The following RALGAPA2 variants were observed in gnomAD, a reference collection of about 807,000 sequenced individuals.
RALGAPA2 encodes ral GTPase-activating protein subunit alpha-2.
RALGAPA2 carries 139 observed loss-of-function variants against 230.4 expected under a neutral mutation model. The ratio of observed to expected loss-of-function variants is 0.60; its 90% CI spans 0.53 to 0.69. The LOEUF (loss-of-function observed/expected upper bound fraction) is 0.69. Among genes scored for constraint, RALGAPA2 ranks in the 30% least tolerant of loss-of-function variants. RALGAPA2 has a pLI of 0.00. For missense variants in RALGAPA2, 2,163 were observed against 2,276.0 expected (o/e 0.95, Z 1.01); for synonymous variants, 847 against 837.8 (o/e 1.01, Z -0.19).
At chr20:20,463,129 C>A (rs1335208338) in intron 37 of RALGAPA2, among the ~76,000 whole-genome samples, 4 of 138,196 alleles carry the variant, frequency 2.9e-5, no homozygotes, top group African/African-American at 1.1e-4. Flanking sequence ...AAAACCCTGA[C>A]TTTTTTTTTT....
intron 1 of RALGAPA2, among the ~76,000 whole-genome samples, chr20:20,696,115 C>G (rs948227493): frequency 3.9e-5 from 6 of 152,168 alleles, no homozygotes; most frequent in African/African-American, 1.4e-4. Context: ...CCAATGTACT[C>G]CAGCTTTCCT....
rs1191999765 is a variant in RALGAPA2 at position 20,635,527 on chromosome 20, G to A, written c.896C>T (p.Ala299Val). 1 of 1,595,004 alleles carries A rather than the reference G, an allele frequency of 6.3e-7. No individual in the cohort carries two copies. The highest frequency in any genetic ancestry group is 8.5e-7 in the Non-Finnish European group (1 of 1,171,792). ...AATCCACTTAATAAAAACAACACGA[G>A]CTGCCATATATGGAATCTTTGTACT... ...IYSTKIPYMA[A>V]RVVFIKWIVT... The change falls in exon 9 of 40, where the codon GCT (alanine) becomes GTT (valine). Residue 299 changes from alanine to valine, a missense_variant. Transcript: ENST00000202677.
At chr20:20,638,560 C>T (rs1249361902) in intron 7 of RALGAPA2, among the ~76,000 whole-genome samples, 9 of 152,150 alleles carry the variant, frequency 5.9e-5, no homozygotes, top group South Asian at 2.1e-4. Context: ...CAATTCCATC[C>T]GCCTTATCTG....
At chr20:20,476,626 A>C (rs1188748870) in intron 36 of RALGAPA2, among the ~76,000 whole-genome samples, 2 of 151,408 alleles carry the variant, frequency 1.3e-5, no homozygotes, top group Admixed American at 6.6e-5. Context: ...AATTGCCACG[A>C]CCTTAGGATA....
rs776165823 is a variant in RALGAPA2 at position 20,611,378 on chromosome 20, C to T, written c.1737G>A (p.Gln579=). 4 of 1,613,672 alleles carry T rather than the reference C, an allele frequency of 2.5e-6. No individual in the cohort carries two copies. Among genetic ancestry groups the T allele is most frequent in the Non-Finnish European group, 3.4e-6 (4 of 1,179,704 alleles). ...CCTTTATTTGTTTATCCTTTGGCTT[C>T]TGCATGACAGCTTCTGTTATCCTGA... ...ILLRITEAVM[Q]KPKDKQIKDL... The change falls in exon 14 of 40, where the codon CAG becomes CAA. Residue 579 remains glutamine (Q), a synonymous_variant. Transcript: ENST00000202677.
At chr20:20,422,243 C>A (rs2060292131) in intron 37 of RALGAPA2, among the ~76,000 whole-genome samples, 1 of 152,138 alleles carries the variant, frequency 6.6e-6, no homozygotes, top group Non-Finnish European at 1.5e-5. Context: ...ATACAAAAAA[C>A]CATTGTATTA....
chr20:20,479,334 A>T (rs888585252), intron 36 of RALGAPA2, among the ~76,000 whole-genome samples: 2 of 152,212 alleles, frequency 1.3e-5, no homozygotes, highest in African/African-American at 4.8e-5. Context: ...GGCTAGTACA[A>T]TCTTAATACC....
chr20:20,576,610 C>T (rs963158621), intron 20 of RALGAPA2, among the ~76,000 whole-genome samples: 8 of 151,986 alleles, frequency 5.3e-5, no homozygotes, highest in African/African-American at 1.7e-4. Context: ...GTGAGATGGT[C>T]TCTAATTATG....
At chr20:20,671,529 T>C (rs1446337696) in intron 3 of RALGAPA2, among the ~76,000 whole-genome samples, 1 of 152,206 alleles carries the variant, frequency 6.6e-6, no homozygotes, top group Non-Finnish European at 1.5e-5. Flanking sequence ...AGTTACTTAG[T>C]ACCCAGAATG....
At position 20,605,410 on chromosome 20, in the gene RALGAPA2, C is replaced by T. The variant is rs761264738; in HGVS notation, c.1803G>A (p.Thr601=). ...AQSLAGLLFR[T]LMVAWIRANL... is the part of the protein sequence containing the mutation. ...TTGCTCGGATCCAAGCTACCATGAG[C>T]GTCTAAAACCAACCAACCAACAAGA... Residue 601 remains threonine (T), a splice_region_variant and synonymous_variant, in exon 15 of 40, where the codon ACG becomes ACA. Transcript: ENST00000202677. 18 of 1,605,234 alleles carry T rather than the reference C, an allele frequency of 1.1e-5. No homozygotes were observed. The highest frequency in any genetic ancestry group is 1.4e-5 in the Non-Finnish European group (16 of 1,172,536).
At chr20:20,702,105 T>G (rs531669637) in intron 1 of RALGAPA2, among the ~76,000 whole-genome samples, 1 of 151,694 alleles carries the variant, frequency 6.6e-6, no homozygotes, top group East Asian at 1.9e-4. Context: ...CAAAGGCCAT[T>G]AATACCAAAC....
At chr20:20,680,156 G>C (rs1204629493) in intron 2 of RALGAPA2, among the ~76,000 whole-genome samples, 5 of 152,174 alleles carry the variant, frequency 3.3e-5, no homozygotes. Context: ...TGGCTCCCCA[G>C]GCTACACTAT....
intron 3 of RALGAPA2, among the ~76,000 whole-genome samples, chr20:20,670,946 T>A (rs2068114282): frequency 7.5e-6 from 1 of 132,778 alleles, no homozygotes; most frequent in African/African-American, 2.9e-5. Flanking sequence ...CAAGACTCCG[T>A]CTCAAAAAAA....
intron 33 of RALGAPA2, among the ~76,000 whole-genome samples, chr20:20,508,687 G>T (rs1482032695): frequency 1.3e-5 from 2 of 152,216 alleles, no homozygotes; most frequent in Non-Finnish European, 2.9e-5. Flanking sequence ...AATGAAAGTT[G>T]ACAGACAAGG....
intron 3 of RALGAPA2, chr20:20,659,674 TA>T: frequency 2.8e-6 from 1 of 351,874 alleles, no homozygotes; most frequent in South Asian, 2.8e-5. Flanking sequence ...AATATTATAA[TA>T]AAATAATCTG....
rs1294446350 is a variant in RALGAPA2 at position 20,512,234 on chromosome 20, CACACAT to C, written c.4856+273_4856+278del. 5.3e-3 allele frequency among the ~76,000 whole-genome samples: 776 copies of C among 147,482 alleles called. 6 individuals are homozygous for C. The highest frequency in any genetic ancestry group is 0.018 in the African/African-American group (731 of 39,718). On this transcript the variant is annotated intron_variant, in intron 32 of 39. Coordinates refer to ENST00000202677, the MANE Select transcript of RALGAPA2 (RefSeq NM_020343.4). ...AACAACAACCCCCCCTACACACACA[CACACAT>C]ACACACACACACACACACACACACA...
intron 24 of RALGAPA2, among the ~76,000 whole-genome samples, chr20:20,542,085 A>G (rs991711386): frequency 6.6e-6 from 1 of 152,198 alleles, no homozygotes; most frequent in Non-Finnish European, 1.5e-5. Context: ...ATCAATGTGC[A>G]AAAATCACAA....
At chr20:20,677,565 T>G (rs1006886989) in intron 2 of RALGAPA2, among the ~76,000 whole-genome samples, 5 of 149,576 alleles carry the variant, frequency 3.3e-5, no homozygotes, top group Non-Finnish European at 7.4e-5. Context: ...CTGAGACCAC[T>G]GTAATAACAG....
chr20:20,509,691 A>G (rs1356060084), intron 33 of RALGAPA2, among the ~76,000 whole-genome samples: 1 of 152,186 alleles, frequency 6.6e-6, no homozygotes, highest in African/African-American at 2.4e-5. Flanking sequence ...TAGAAGGGTG[A>G]AGAAAAGAAA....
Sources: allele counts gnomAD v4.1 joint callset (sites outside exome capture counted in the v4.1 genomes callset), GRCh38; gene constraint gnomAD v4.1.1; transcripts MANE v1.5; gene names NCBI Gene and HGNC (gene_info 2026-07-23, HGNC 2026-07-21).